The following MIA3 variants were observed in gnomAD, a reference collection of about 807,000 sequenced individuals.
MIA3 encodes transport and Golgi organization protein 1 homolog.
MIA3 carries 90 observed loss-of-function variants against 192.4 expected under a neutral mutation model. That is an observed-to-expected ratio of 0.47 (90% confidence interval 0.39 to 0.56). The LOEUF (loss-of-function observed/expected upper bound fraction) is 0.56. Ranked by LOEUF, MIA3 falls within the 20% of genes least tolerant of loss-of-function variation. The probability of loss-of-function intolerance (pLI) is 0.00; values close to 1 mark genes in which losing one functional copy is unlikely to be tolerated. For missense variants in MIA3, 2,123 were observed against 2,269.4 expected (o/e 0.94, Z 1.31); for synonymous variants, 740 against 792.8 (o/e 0.93, Z 1.12).
chr1:222,631,300 T>C (rs1265790044), intron 4 of MIA3, among the ~76,000 whole-genome samples: 1 of 152,102 alleles, frequency 6.6e-6, no homozygotes, highest in Non-Finnish European at 1.5e-5. Flanking sequence ...TTTTATTTAT[T>C]GTAGAGACAG....
rs1417847423 is a variant in MIA3 at position 222,618,150 on chromosome 1, C to T, written c.40C>T (p.Leu14Phe). 9 of 1,509,030 alleles carry T rather than the reference C, an allele frequency of 6.0e-6. No individual in the cohort carries two copies. In the East Asian group the frequency reaches 1.7e-4, roughly 28 times the overall value. The allele number at this position is 1,509,030 out of a possible 1,614,324, so 93.5% of individuals were successfully genotyped here. A position where few individuals can be genotyped will look rare whatever the true frequency, so the allele number is the denominator to read the frequency against. ...TGGGCTGCTCGTCTGGCTGCTCGTGCTCCGGCTGCCCTGGCGGGTGCCGGG... is the reference window on the plus strand; with the variant it reads ...TGGGCTGCTCGTCTGGCTGCTCGTGTTCCGGCTGCCCTGGCGGGTGCCGGG... Reference protein sequence around the residue: ...APGLLVWLLVLRLPWRVPGQL... With the variant: ...APGLLVWLLVFRLPWRVPGQL... Residue 14 changes from leucine (L) to phenylalanine (F), a missense_variant, in exon 1 of 28, where the codon CTC becomes TTC. This residue lies in a region of MIA3 where 1,357 missense variants were observed against 1,396.1 expected (regional missense o/e 0.97). Transcript: ENST00000344922.
In MIA3 at chr1:222,628,825, C is replaced by T; in HGVS notation, c.1605C>T (p.Ile535=). The T allele has an allele frequency of 6.2e-7, 1 of 1,614,114 alleles. No individual in the cohort carries two copies. The highest frequency in any genetic ancestry group is 8.5e-7 in the Non-Finnish European group (1 of 1,180,014). The change falls in exon 4 of 28, where the codon ATC becomes ATT. Residue 535 remains isoleucine (I), a synonymous_variant. Transcript: ENST00000344922. The part of the protein sequence containing the change: ...ENDLKGAAIH[I]SKGMLHEEKP... Reference sequence around the variant, plus strand: ...ACCTAAAAGGAGCAGCTATTCATATCTCAAAAGGAATGCTCCACGAAGAAA... The same window carrying T: ...ACCTAAAAGGAGCAGCTATTCATATTTCAAAAGGAATGCTCCACGAAGAAA...
chr1:222,662,450 T>TA, intron 26 of MIA3, 118 bp downstream of exon 26: 11 of 1,552,824 alleles, frequency 7.1e-6, no homozygotes, highest in Non-Finnish European at 9.6e-6. Flanking sequence ...ATTTATTTTT[T>TA]AAAAAAGCAA....
At chr1:222,652,381 T>G (rs1663487615) in intron 13 of MIA3, 49 bp downstream of exon 13, 1 of 1,132,830 alleles carries the variant, frequency 8.8e-7, no homozygotes, top group Admixed American at 1.7e-5. Context: ...GAACTCAGTA[T>G]CATACCTCAT....
chr1:222,652,232 A>G lies in MIA3; in HGVS notation c.3986A>G (p.Gln1329Arg), dbSNP rs1340936252. 1 of 1,611,696 alleles carries G rather than the reference A, an allele frequency of 6.2e-7. No individual in the cohort carries two copies. Among genetic ancestry groups the G allele is most frequent in the South Asian group, 1.1e-5 (1 of 91,032 alleles). Residue 1329 changes from glutamine (Q) to arginine (R), a missense_variant, in exon 13 of 28, where the codon CAG becomes CGG. Around this residue, in one of 3 missense-constraint regions of MIA3, gnomAD observed 762 missense variants for 856.4 expected, o/e 0.89. Coordinates refer to ENST00000344922, the MANE Select transcript of MIA3 (RefSeq NM_198551.4). ...SMNASEFSEVQIALNEAKLSE... is the reference protein window; with the variant it reads ...SMNASEFSEVRIALNEAKLSE... The stretch of plus-strand genomic sequence containing the variant: ...AATAGGAGTGTTTTGCATTAGGTTC[A>G]GATTGCACTTAATGAAGCTAAGCTT...
chr1:222,648,014 A>C (rs1663237100), intron 7 of MIA3: 1 of 267,638 alleles, frequency 3.7e-6, no homozygotes, highest in South Asian at 3.4e-5. Flanking sequence ...GTATCTCATC[A>C]ACATAACATT....
In MIA3 at chr1:222,618,140, G is replaced by T; in HGVS notation, c.30G>T (p.Trp10Cys). The T allele has an allele frequency of 6.6e-7, 1 of 1,504,790 alleles. No individual in the cohort carries two copies. The allele number at this position is 1,504,790 out of a possible 1,614,324, so 93.2% of individuals were successfully genotyped here. A position where few individuals can be genotyped will look rare whatever the true frequency, so the allele number is the denominator to read the frequency against. The change falls in exon 1 of 28, where the codon TGG (tryptophan) becomes TGT (cysteine). Residue 10 changes from tryptophan to cysteine, a missense_variant. Physicochemically the swap from Trp to Cys is radical, Grantham distance 215. Around this residue, in one of 3 missense-constraint regions of MIA3, gnomAD observed 1,357 missense variants for 1,396.1 expected, o/e 0.97. Transcript: ENST00000344922. ...CTGCGGCGCCTGGGCTGCTCGTCTG[G>T]CTGCTCGTGCTCCGGCTGCCCTGGC... MAAAPGLLV[W>C]LLVLRLPWRV...
intron 3 of MIA3, among the ~76,000 whole-genome samples, chr1:222,627,155 A>G (rs1662156211): frequency 6.6e-6 from 1 of 152,224 alleles, no homozygotes; most frequent in Non-Finnish European, 1.5e-5. Flanking sequence ...GCTTTCTAAC[A>G]TTGCGGTCTA....
chr1:222,653,993 A>G (rs1402915554), intron 15 of MIA3, among the ~76,000 whole-genome samples: 1 of 152,252 alleles, frequency 6.6e-6, no homozygotes, highest in African/African-American at 2.4e-5. Flanking sequence ...GATGGAAGAA[A>G]GAGCTTTATC....
chr1:222,651,308 T>C (rs1663419989), intron 11 of MIA3, among the ~76,000 whole-genome samples: 1 of 151,654 alleles, frequency 6.6e-6, no homozygotes, highest in Admixed American at 6.6e-5. Flanking sequence ...GTTCCATAAA[T>C]CCCACACCCT....
intron 7 of MIA3, among the ~76,000 whole-genome samples, chr1:222,647,767 T>C (rs1663219816): frequency 6.6e-6 from 1 of 152,104 alleles, no homozygotes; most frequent in African/African-American, 2.4e-5. Context: ...TGCTTGCCTG[T>C]TAGTTTGGGT....
In MIA3 at chr1:222,629,380, A is replaced by C. The variant is rs1662285059; in HGVS notation, c.2160A>C (p.Val720=). ...STGGPAFLSK[V]EEDDYPSEEL... is the part of the protein sequence containing the mutation. ...GAGGACCAGCTTTCCTTTCTAAAGT[A>C]GAAGAGGATGATTATCCCTCTGAAG... is the stretch of plus-strand genomic sequence containing the variant. Residue 720 remains valine, a synonymous_variant, in exon 4 of 28, where the codon GTA becomes GTC. Coordinates refer to ENST00000344922, the MANE Select transcript of MIA3 (RefSeq NM_198551.4). The C allele has an allele frequency of 1.2e-6, 2 of 1,614,102 alleles. No homozygotes were observed. The highest frequency in any genetic ancestry group is 2.7e-5 in the African/African-American group (2 of 74,934).
chr1:222,655,747 A>G (rs915138139), intron 18 of MIA3, among the ~76,000 whole-genome samples: 3 of 152,172 alleles, frequency 2.0e-5, no homozygotes, highest in Non-Finnish European at 2.9e-5. Context: ...TGCCTCCAAT[A>G]GTAATGTGAA....
chr1:222,621,403 T>A (rs1661850730), intron 2 of MIA3, 111 bp downstream of exon 2: 6 of 1,077,322 alleles, frequency 5.6e-6, no homozygotes, highest in Middle Eastern at 3.0e-4. Context: ...TAACTTGTCC[T>A]CTCTGCCTGA....
rs1278203981 is a variant in MIA3, at chr1:222,658,602, A to G, written c.4608-120A>G. On this transcript the variant is annotated intron_variant, in intron 18 of 27. Transcript: ENST00000344922. ...AGGACAGTTTTATTTCCTTCCTGTGACTTTGTATAATCTATGCATTTTTAA... is the reference window on the plus strand; with the variant it reads ...AGGACAGTTTTATTTCCTTCCTGTGGCTTTGTATAATCTATGCATTTTTAA... 8.8e-5 allele frequency: 60 copies of G among 684,502 alleles called. No individual in the cohort carries two copies. In the East Asian group the frequency reaches 1.7e-3, roughly 19 times the overall value. 42.4% of individuals were successfully genotyped at this position (684,502 alleles called of 1,614,324 possible). A position where few individuals can be genotyped will look rare whatever the true frequency, so the allele number is the denominator to read the frequency against.
chr1:222,620,952 C>T (rs1464546025), intron 1 of MIA3, among the ~76,000 whole-genome samples: 1 of 152,134 alleles, frequency 6.6e-6, no homozygotes, highest in African/African-American at 2.4e-5. Flanking sequence ...TTTCCTTTCC[C>T]TTGTCTGCTT....
At chr1:222,645,521 C>T in intron 6 of MIA3, 33 bp from the exon 7 acceptor site, 1 of 1,554,062 alleles carries the variant, frequency 6.4e-7, no homozygotes, top group South Asian at 1.2e-5. Flanking sequence ...TTTAAGGTTT[C>T]TCATTATTTC....
chr1:222,633,278 A>G (rs1406749675), intron 6 of MIA3, 29 bp downstream of exon 6: 8 of 1,539,900 alleles, frequency 5.2e-6, no homozygotes, highest in Non-Finnish European at 7.1e-6. Context: ...TTTTTTAACT[A>G]AAATGTTGAT....
chr1:222,627,656 C>G lies in MIA3; in HGVS notation c.436C>G (p.Leu146Val), dbSNP rs1424985212. The change falls in exon 4 of 28, where the codon CTG becomes GTG. Residue 146 changes from leucine to valine, a missense_variant. Leu to Val is a conservative substitution (Grantham distance 32). Coordinates refer to ENST00000344922, the MANE Select transcript of MIA3 (RefSeq NM_198551.4). ...NVEELLGFLE[L>V]YNSAATDSEK... ...AGAAGAACTTTTAGGGTTTTTGGAACTGTACAATTCTGCAGCTACAGATTC... is the reference window on the plus strand; with the variant it reads ...AGAAGAACTTTTAGGGTTTTTGGAAGTGTACAATTCTGCAGCTACAGATTC... 6.2e-7 allele frequency: 1 copy of G among 1,605,546 alleles called. No individual in the cohort carries two copies. Among genetic ancestry groups the G allele is most frequent in the Non-Finnish European group, 8.5e-7 (1 of 1,177,716 alleles).
Sources: gnomAD v4.1 joint callset for allele counts (sites outside exome capture counted in the v4.1 genomes callset) on GRCh38, gnomAD v4.1.1 for gene constraint, gnomAD v4.1.1 regional missense constraint, MANE v1.5 for transcripts, NCBI Gene and HGNC (gene_info 2026-07-23, HGNC 2026-07-21) for gene names.